Variants in PTPRN2 observed in about 807,000 individuals in gnomAD.
The protein encoded by PTPRN2 is protein tyrosine phosphatase receptor type N2, also known as receptor-type tyrosine-protein phosphatase N2.
In PTPRN2, 74 loss-of-function variants were observed where a neutral mutation model predicts 118.8. The ratio of observed to expected loss-of-function variants is 0.62; its 90% CI spans 0.52 to 0.76. PTPRN2 has a LOEUF of 0.76. PTPRN2 is among the 30% of genes least tolerant of loss of function. The pLI is 0.00. For missense variants in PTPRN2, 1,481 were observed against 1,394.4 expected (o/e 1.06, Z -0.99); for synonymous variants, 641 against 608.0 (o/e 1.05, Z -0.80).
At chr7:158,151,514 T>TGCCCCTGCCCA (rs1563522262) in intron 6 of PTPRN2, among the ~76,000 whole-genome samples, 8 of 146,198 alleles carry the variant, frequency 5.5e-5, no homozygotes, top group Admixed American at 7.0e-5. Context: ...TTTCTGCTCC[T>TGCCCCTGCCCA]CACCGCACGT....
At chr7:158,205,971 G>C (rs187293087) in intron 3 of PTPRN2, among the ~76,000 whole-genome samples, 1 of 152,250 alleles carries the variant, frequency 6.6e-6, no homozygotes, top group Admixed American at 6.5e-5. Flanking sequence ...AAGTGCTCTG[G>C]GGTCCTAAAT....
At chr7:158,134,881 A>C (rs1259152665) in intron 8 of PTPRN2, among the ~76,000 whole-genome samples, 1 of 152,188 alleles carries the variant, frequency 6.6e-6, no homozygotes, top group Non-Finnish European at 1.5e-5. Flanking sequence ...TACAGAGGTT[A>C]AATATCAAAT....
chr7:158,306,857 T>TG (rs1205965817), intron 3 of PTPRN2, among the ~76,000 whole-genome samples: 381 of 1,548 alleles, frequency 0.25, 2 homozygotes, highest in African/African-American at 0.38. Context: ...TGTTTTTTGT[T>TG]TTTTTTTTTT....
Position 158,071,399 on chromosome 7 carries a change from C to T in PTPRN2, c.1723+9899G>A, listed in dbSNP as rs1047991660. On this transcript the variant is annotated intron_variant, in intron 11 of 22. Transcript: ENST00000389418. ...TGGAGGTGCTCGTGGTGGAGGTGCT[C>T]GTGGTGGAGTTGCTCCTGGTGGTGG... Among the ~76,000 whole-genome samples, 75 of 20,936 alleles carry T rather than the reference C, an allele frequency of 3.6e-3. 7 individuals are homozygous for T. The highest frequency in any genetic ancestry group is 3.5e-3 in the Admixed American group (6 of 1,716). The allele number at this position is 20,936 out of a possible 152,430, so 13.7% of individuals were successfully genotyped here.
intron 11 of PTPRN2, among the ~76,000 whole-genome samples, chr7:158,019,256 T>C (rs4716533): frequency 0.85 from 129,527 of 152,302 alleles, 55,226 homozygotes; most frequent in Non-Finnish European, 0.89. Context: ...TAATAGAGTG[T>C]GTTTTGTCAC....
At chr7:158,587,191 C>A in intron 1 of PTPRN2, among the ~76,000 whole-genome samples, 1 of 140,404 alleles carries the variant, frequency 7.1e-6, no homozygotes, top group Non-Finnish European at 1.6e-5. Context: ...CTAAACCCCC[C>A]ACTCATTCAT....
chr7:158,042,469 G>A (rs993820913), intron 11 of PTPRN2, among the ~76,000 whole-genome samples: 10 of 152,202 alleles, frequency 6.6e-5, no homozygotes, highest in African/African-American at 2.4e-4. Context: ...TCTACCACAC[G>A]CATGAATCAT....
intron 11 of PTPRN2, among the ~76,000 whole-genome samples, chr7:157,926,169 C>T (rs1160223017): frequency 2.0e-5 from 3 of 150,690 alleles, no homozygotes; most frequent in Admixed American, 2.0e-4. Flanking sequence ...TATCTGTCCA[C>T]TGATAAACCA....
intron 14 of PTPRN2, among the ~76,000 whole-genome samples, chr7:157,648,107 AC>A (rs1354621811): frequency 1.5e-4 from 11 of 72,050 alleles, no homozygotes; most frequent in Admixed American, 6.0e-4. Flanking sequence ...TCCAGCGTGC[AC>A]TGAACTCGGT....
chr7:158,157,818 A>T (rs1821971493), intron 6 of PTPRN2, among the ~76,000 whole-genome samples: 1 of 152,296 alleles, frequency 6.6e-6, no homozygotes, highest in East Asian at 1.9e-4. Flanking sequence ...TGCTGACTCC[A>T]CGGTGTGCTG....
In PTPRN2 at chr7:158,133,736, C is replaced by T; in HGVS notation, c.1497G>A (p.Leu499=). Residue 499 remains leucine, a synonymous_variant, in exon 9 of 23, where the codon CTG becomes CTA. Coordinates refer to ENST00000389418, the MANE Select transcript of PTPRN2 (RefSeq NM_002847.5). ...AGAQEALSDG[L]QLEVQPSEEE... ...CCTCGGAAGGCTGGACCTCCAATTG[C>T]AGGCCGTCGCTGAGGGCCTCCTGAG... 6.2e-7 allele frequency: 1 copy of T among 1,612,184 alleles called. No homozygotes were observed. The highest frequency in any genetic ancestry group is 2.2e-5 in the East Asian group (1 of 44,806).
At chr7:158,511,003 CT>C (rs897248682) in intron 1 of PTPRN2, among the ~76,000 whole-genome samples, 5 of 152,234 alleles carry the variant, frequency 3.3e-5, no homozygotes, top group African/African-American at 1.2e-4. Context: ...AAGAACCTTC[CT>C]TGAGTAATAG....
At chr7:158,553,525 G>A (rs1826796321) in intron 1 of PTPRN2, among the ~76,000 whole-genome samples, 1 of 150,094 alleles carries the variant, frequency 6.7e-6, no homozygotes, top group Non-Finnish European at 1.5e-5. Flanking sequence ...CACAGGCTTG[G>A]GGGTCTACAT....
intron 12 of PTPRN2, among the ~76,000 whole-genome samples, chr7:157,860,831 G>T (rs916170981): frequency 6.6e-6 from 1 of 152,340 alleles, no homozygotes; most frequent in Non-Finnish European, 1.5e-5. Flanking sequence ...GGCCACTGAC[G>T]GCCGGGGCTG....
chr7:158,042,186 C>A (rs904483002), intron 11 of PTPRN2, among the ~76,000 whole-genome samples: 1 of 152,154 alleles, frequency 6.6e-6, no homozygotes, highest in South Asian at 2.1e-4. Flanking sequence ...TGGGTGCATA[C>A]TTCATACCCA....
At chr7:158,463,505 CCAT>C (rs200503682) in intron 2 of PTPRN2, among the ~76,000 whole-genome samples, 2 of 151,886 alleles carry the variant, frequency 1.3e-5, no homozygotes, top group Non-Finnish European at 2.9e-5. Context: ...ACCATCACCA[CCAT>C]CATCACCATC....
In PTPRN2 at chr7:157,591,892, C is replaced by T. The variant is rs1022648926; in HGVS notation, c.2496+3346G>A. Reference sequence around the variant, plus strand: ...GAAGCAATGACGTCGTGGTCAGGGACGTCTGCAGGGAGCAAAATGAAGCGA... The same window carrying T: ...GAAGCAATGACGTCGTGGTCAGGGATGTCTGCAGGGAGCAAAATGAAGCGA... On this transcript the variant is annotated intron_variant, in intron 17 of 22. Coordinates refer to ENST00000389418, the MANE Select transcript of PTPRN2 (RefSeq NM_002847.5). This position sits in a 1 kb window ranked among gnomAD's most constrained non-coding sequence, Gnocchi z 4.4. Among the ~76,000 whole-genome samples, 5 of 152,160 alleles carry T rather than the reference C, an allele frequency of 3.3e-5. No homozygotes were observed. The highest frequency in any genetic ancestry group is 1.2e-4 in the African/African-American group (5 of 41,436).
chr7:157,653,272 G>A (rs1585177762), intron 14 of PTPRN2, among the ~76,000 whole-genome samples: 3 of 152,332 alleles, frequency 2.0e-5, no homozygotes, highest in Non-Finnish European at 4.4e-5. Flanking sequence ...TCAGGAACAT[G>A]TCGCTGGGAA....
chr7:157,565,441 G>A lies in PTPRN2; in HGVS notation c.2902+3461C>T, dbSNP rs549202800. ...CTTGTCAACAGCCACAGCTGCTGGG[G>A]GATCATACAGTGTCTGCTTGGCATG... On this transcript the variant is annotated intron_variant, in intron 21 of 22. Coordinates refer to ENST00000389418, the MANE Select transcript of PTPRN2 (RefSeq NM_002847.5). Among the ~76,000 whole-genome samples, 5 of 152,320 alleles carry A rather than the reference G, an allele frequency of 3.3e-5. No individual in the cohort carries two copies. The South Asian group carries it at 1.0e-3, about 32-fold the overall frequency.
Sources: gnomAD v4.1 joint callset for allele counts (sites outside exome capture counted in the v4.1 genomes callset) on GRCh38, gnomAD v4.1.1 for gene constraint, Gnocchi (gnomAD v3.1) non-coding constraint, MANE v1.5 for transcripts, NCBI Gene and HGNC (gene_info 2026-07-23, HGNC 2026-07-21) for gene names.